RUNX1T1: variants seen among roughly 807,000 people sequenced by gnomAD.
RUNX1T1 encodes the protein protein CBFA2T1.
Under a neutral mutation model 62.8 loss-of-function variants are expected in RUNX1T1, and 4 were observed. The observed-to-expected ratio is 0.06, with a 90% CI of 0.03 to 0.15. The LOEUF is 0.15. Among genes scored for constraint, RUNX1T1 ranks in the 10% least tolerant of loss-of-function variants. The probability of loss-of-function intolerance (pLI) is 1.00; values close to 1 mark genes in which losing one functional copy is unlikely to be tolerated. For missense variants in RUNX1T1, 508 were observed against 754.3 expected, an observed-to-expected ratio of 0.67 and a Z score of 3.82; for synonymous variants, 291 against 286.0, an observed-to-expected ratio of 1.02 and a Z score of -0.18.
chr8:91,995,489 G>A (rs2130920662), intron 5 of RUNX1T1, among the ~76,000 whole-genome samples: 1 of 152,250 alleles, frequency 6.6e-6, no homozygotes, highest in South Asian at 2.1e-4. Flanking sequence ...TCTAACAGTT[G>A]TGAAACATTA....
chr8:92,002,917 A>C (rs1241818559), intron 5 of RUNX1T1, among the ~76,000 whole-genome samples: 1 of 152,152 alleles, frequency 6.6e-6, no homozygotes. Flanking sequence ...AAAAAGAAAA[A>C]ATACTGTAGA....
At chr8:91,998,264 C>T (rs1312117767) in intron 5 of RUNX1T1, among the ~76,000 whole-genome samples, 1 of 152,172 alleles carries the variant, frequency 6.6e-6, no homozygotes, top group Non-Finnish European at 1.5e-5. Context: ...AATTCCCCAG[C>T]GTCCTTAAAA....
At chr8:92,086,002 A>AT (rs1346410733) in intron 1 of RUNX1T1, among the ~76,000 whole-genome samples, 5 of 152,228 alleles carry the variant, frequency 3.3e-5, no homozygotes, top group African/African-American at 4.8e-5. Flanking sequence ...ATTTTAATGC[A>AT]TTTTTTGTTC....
chr8:92,021,398 G>A (rs950868039), intron 1 of RUNX1T1, among the ~76,000 whole-genome samples: 4 of 152,110 alleles, frequency 2.6e-5, no homozygotes, highest in African/African-American at 9.7e-5. Flanking sequence ...AATGGTGCTG[G>A]TCGCTTCTGC....
intron 1 of RUNX1T1, among the ~76,000 whole-genome samples, chr8:92,022,227 G>A (rs765377085): frequency 4.0e-5 from 6 of 151,874 alleles, no homozygotes; most frequent in Admixed American, 6.6e-5. Flanking sequence ...ATTATTATCC[G>A]TTCAAAGATA....
chr8:91,979,777 G>T (rs144418004), intron 8 of RUNX1T1: 1 of 517,032 alleles, frequency 1.9e-6, no homozygotes, highest in African/African-American at 1.9e-5. Context: ...CTACACTTAC[G>T]ACAGGATGGA....
exon 11 of RUNX1T1, chr8:91,959,418 G>C (rs1375260882): frequency 0.025 from 1,597 of 64,456 alleles, 109 homozygotes; most frequent in African/African-American, 0.15. Context: ...TTACTTGTGT[G>C]TGTGTGTGTG....
downstream of RUNX1T1, chr8:91,955,903 G>A (rs577104748): frequency 4.4e-6 from 1 of 229,638 alleles, no homozygotes; most frequent in South Asian, 1.8e-4. Flanking sequence ...ATGTGTCAGA[G>A]GAGATAACTG....
intron 1 of RUNX1T1, chr8:92,017,694 AGATGAGGAAGTGG>A: frequency 8.3e-7 from 1 of 1,203,684 alleles, no homozygotes. Flanking sequence ...GGTAGAAAAT[AGATGAGGAAGTGG>A]GATGATAATG....
downstream of RUNX1T1, chr8:91,957,017 A>G (rs1293111063): frequency 4.6e-6 from 1 of 217,606 alleles, no homozygotes; most frequent in Non-Finnish European, 9.2e-6. Context: ...TGGCCCTGTC[A>G]CACACAGTCT....
intron 1 of RUNX1T1, among the ~76,000 whole-genome samples, chr8:92,089,203 G>C (rs112772479): frequency 8.5e-4 from 129 of 152,176 alleles, no homozygotes; most frequent in Middle Eastern, 3.4e-3. Context: ...AGAAACCCTA[G>C]CCTGGGTTTA....
chr8:91,996,906 G>A (rs1818805265), intron 5 of RUNX1T1, among the ~76,000 whole-genome samples: 2 of 151,494 alleles, frequency 1.3e-5, no homozygotes, highest in African/African-American at 4.9e-5. Flanking sequence ...TGGATCACTT[G>A]AGGTCAGGAG....
intron 2 of RUNX1T1, among the ~76,000 whole-genome samples, chr8:92,072,846 C>A (rs773928077): frequency 2.0e-5 from 3 of 152,170 alleles, no homozygotes; most frequent in Non-Finnish European, 2.9e-5. Context: ...CTCTTCCTAA[C>A]AAAGATACCA....
chr8:91,998,029 A>AT (rs1307152988), intron 5 of RUNX1T1, among the ~76,000 whole-genome samples: 1 of 152,192 alleles, frequency 6.6e-6, no homozygotes, highest in Admixed American at 6.5e-5. Context: ...CATCAAACAC[A>AT]TCTTCCTTTC....
intron 5 of RUNX1T1, among the ~76,000 whole-genome samples, chr8:92,002,376 G>T (rs994549611): frequency 2.0e-5 from 3 of 151,754 alleles, no homozygotes; most frequent in Non-Finnish European, 4.4e-5. Context: ...GACTTCCCTA[G>T]AGTACTCATT....
intron 4 of RUNX1T1, chr8:92,005,983 A>AATAC (rs1554616575): frequency 1.1e-4 from 11 of 100,808 alleles, no homozygotes; most frequent in Middle Eastern, 5.2e-3. Context: ...CTAAGGAATG[A>AATAC]ATACACACAC....
At chr8:91,986,354 A>G (rs759596214) in intron 7 of RUNX1T1, 29 bp from the exon 9 acceptor site, 1 of 1,528,012 alleles carries the variant, frequency 6.5e-7, no homozygotes, top group East Asian at 2.3e-5. Context: ...AATAGGGAAG[A>G]GCATATAAAT....
intron 9 of RUNX1T1, among the ~76,000 whole-genome samples, chr8:91,971,628 G>T (rs576355597): frequency 6.6e-6 from 1 of 152,160 alleles, no homozygotes; most frequent in Non-Finnish European, 1.5e-5. Flanking sequence ...AATGATAGAG[G>T]TTTTAAAAAA....
At chr8:91,960,111 C>T in exon 11 of RUNX1T1, 1 of 942,110 alleles carries the variant, frequency 1.1e-6, no homozygotes, top group South Asian at 1.7e-5. Context: ...TTCTCTCTTG[C>T]TGAAGTACTG....
Sources: allele counts gnomAD v4.1 joint callset (sites outside exome capture counted in the v4.1 genomes callset), GRCh38; gene constraint gnomAD v4.1.1; transcripts MANE v1.5; gene names NCBI Gene and HGNC (gene_info 2026-07-23, HGNC 2026-07-21).